The following RBFOX1 variants were observed in gnomAD, a reference collection of about 807,000 sequenced individuals.
RBFOX1 encodes the protein RNA binding protein fox-1 homolog 1.
In RBFOX1, 8 loss-of-function variants were observed where a neutral mutation model predicts 57.7. The observed-to-expected ratio is 0.14, with a 90% CI of 0.08 to 0.25. The LOEUF (loss-of-function observed/expected upper bound fraction) is 0.25, where lower values mean the gene tolerates loss of function less well. Among genes scored for constraint, RBFOX1 ranks in the 10% least tolerant of loss-of-function variants. RBFOX1 has a pLI of 1.00. For synonymous variants in RBFOX1, 326 were observed against 222.4 expected (o/e 1.47, Z -4.15); for missense variants, 611 against 548.5 (o/e 1.11, Z -1.14).
chr16:5,541,396 A>G (rs1417656538), intron 2 of RBFOX1, among the ~76,000 whole-genome samples: 1 of 152,060 alleles, frequency 6.6e-6, no homozygotes. Context: ...TAGTCGGGGC[A>G]CAGCCTGGAT....
chr16:6,396,925 C>G (rs1353219261), intron 2 of RBFOX1, among the ~76,000 whole-genome samples: 1 of 151,910 alleles, frequency 6.6e-6, no homozygotes, highest in African/African-American at 2.4e-5. Flanking sequence ...TTTGAAATGA[C>G]AGTTTTACTA....
chr16:7,540,709 G>C (rs185282299), intron 5 of RBFOX1, among the ~76,000 whole-genome samples: 1 of 152,264 alleles, frequency 6.6e-6, no homozygotes, highest in East Asian at 1.9e-4. Context: ...TCTTGAATGA[G>C]AAATAAGGAG....
At chr16:5,292,209 C>G (rs1414240970) in intron 1 of RBFOX1, among the ~76,000 whole-genome samples, 2 of 152,198 alleles carry the variant, frequency 1.3e-5, no homozygotes, top group Non-Finnish European at 2.9e-5. Flanking sequence ...ATAGTTTGGT[C>G]TCAACCCATT....
chr16:6,480,913 C>A (rs756587281), intron 2 of RBFOX1, among the ~76,000 whole-genome samples: 18 of 152,028 alleles, frequency 1.2e-4, no homozygotes, highest in Non-Finnish European at 2.1e-4. Context: ...ATATGATATG[C>A]CATATTTTTA....
At chr16:7,626,944 G>C (rs538810277) in intron 10 of RBFOX1, among the ~76,000 whole-genome samples, 3 of 152,240 alleles carry the variant, frequency 2.0e-5, no homozygotes, top group Admixed American at 2.0e-4. Context: ...TTGTAGTTCA[G>C]ACGACCAATG....
chr16:6,400,097 C>T (rs184369266), intron 2 of RBFOX1, among the ~76,000 whole-genome samples: 8 of 152,306 alleles, frequency 5.3e-5, no homozygotes, highest in African/African-American at 1.9e-4. Flanking sequence ...ACAACACTAT[C>T]TACCAACTTG....
intron 4 of RBFOX1, among the ~76,000 whole-genome samples, chr16:7,314,445 T>C (rs2096392271): frequency 6.6e-6 from 1 of 152,168 alleles, no homozygotes; most frequent in African/African-American, 2.4e-5. Context: ...AGCTCTGAGA[T>C]GGTGTGCGCC....
chr16:5,984,972 ATATATT>A (rs1310639206), intron 4 of RBFOX1, among the ~76,000 whole-genome samples: 295 of 55,632 alleles, frequency 5.3e-3, no homozygotes, highest in African/African-American at 0.02. Context: ...ATATATATAT[ATATATT>A]TTTTTTTTTT....
In RBFOX1 at chr16:6,198,103, C is replaced by A. The variant is rs74006930; in HGVS notation, c.-126-118892C>A. 6.1e-3 allele frequency among the ~76,000 whole-genome samples: 931 copies of A among 152,274 alleles called. 9 individuals carry two copies. The highest frequency in any genetic ancestry group is 0.021 in the African/African-American group (860 of 41,540). On this transcript the variant is annotated intron_variant, in intron 1 of 15. Coordinates refer to ENST00000550418, the MANE Select transcript of RBFOX1 (RefSeq NM_018723.4). ...AACTTGTCTACATATTCACCTGGTCCTGTGCATTTCAGACTTTTGGGGGAA... is the reference window on the plus strand; with the variant it reads ...AACTTGTCTACATATTCACCTGGTCATGTGCATTTCAGACTTTTGGGGGAA...
chr16:6,158,362 G>A (rs2096853499), intron 1 of RBFOX1, among the ~76,000 whole-genome samples: 1 of 152,194 alleles, frequency 6.6e-6, no homozygotes, highest in Non-Finnish European at 1.5e-5. Flanking sequence ...GTTCAGTGGG[G>A]TTCAGCTTGT....
At chr16:6,301,160 A>G (rs181455768) in intron 1 of RBFOX1, among the ~76,000 whole-genome samples, 1 of 152,312 alleles carries the variant, frequency 6.6e-6, no homozygotes, top group East Asian at 1.9e-4. Flanking sequence ...TAAATTGTAG[A>G]CTTATTTAAA....
At position 7,086,158 on chromosome 16, in the gene RBFOX1, C is replaced by G. The variant is rs2059950348; in HGVS notation, c.27+34060C>G. On this transcript the variant is annotated intron_variant, in intron 4 of 15. Coordinates refer to ENST00000550418, the MANE Select transcript of RBFOX1 (RefSeq NM_018723.4). Reference sequence around the variant, plus strand: ...ACCTATAGGCTATTTTAACAGGTTACTCGCCACCCGTCTCATGCTGCCAAT... The same window carrying G: ...ACCTATAGGCTATTTTAACAGGTTAGTCGCCACCCGTCTCATGCTGCCAAT... Among the ~76,000 whole-genome samples, 4 of 152,262 alleles carry G rather than the reference C, an allele frequency of 2.6e-5. No homozygotes were observed. In the South Asian group the frequency reaches 8.3e-4, roughly 32 times the overall value.
At chr16:7,372,234 G>T (rs1183320828) in intron 4 of RBFOX1, among the ~76,000 whole-genome samples, 2 of 152,102 alleles carry the variant, frequency 1.3e-5, no homozygotes, top group East Asian at 3.9e-4. Context: ...GGGCCTCGGA[G>T]CTGGAGTTCA....
At chr16:7,171,119 T>A (rs1161727057) in intron 4 of RBFOX1, among the ~76,000 whole-genome samples, 2 of 152,226 alleles carry the variant, frequency 1.3e-5, no homozygotes, top group East Asian at 3.8e-4. Context: ...CCTCTCCCTA[T>A]GTCTTGGGCA....
At chr16:6,319,988 AT>A (rs372734865) in intron 2 of RBFOX1, among the ~76,000 whole-genome samples, 2,699 of 151,302 alleles carry the variant, frequency 0.018, 76 homozygotes, top group African/African-American at 0.059. Flanking sequence ...TTATAGGAAT[AT>A]TTTTTTTTCA....
intron 14 of RBFOX1, chr16:7,693,262 G>C: frequency 6.6e-7 from 1 of 1,515,378 alleles, no homozygotes. Flanking sequence ...AATTGGCAGA[G>C]AGCACATTTC....
At chr16:6,245,010 G>C (rs2097561398) in intron 1 of RBFOX1, among the ~76,000 whole-genome samples, 1 of 151,958 alleles carries the variant, frequency 6.6e-6, no homozygotes, top group Non-Finnish European at 1.5e-5. Context: ...TATTATATTT[G>C]ATCAGAGTAC....
intron 3 of RBFOX1, among the ~76,000 whole-genome samples, chr16:5,790,900 A>G (rs1457116313): frequency 2.9e-5 from 4 of 136,380 alleles, no homozygotes; most frequent in African/African-American, 5.5e-5. Flanking sequence ...ACATGATTTC[A>G]CTCTGTTGCT....
intron 3 of RBFOX1, among the ~76,000 whole-genome samples, chr16:5,807,779 T>G (rs1191130252): frequency 6.6e-6 from 1 of 152,102 alleles, no homozygotes; most frequent in African/African-American, 2.4e-5. Context: ...AGGCTCTTGT[T>G]TACTTGGCCT....
Sources: allele counts gnomAD v4.1 joint callset (sites outside exome capture counted in the v4.1 genomes callset), GRCh38; gene constraint gnomAD v4.1.1; transcripts MANE v1.5; gene names NCBI Gene and HGNC (gene_info 2026-07-23, HGNC 2026-07-21).